The following GLI3 variants were observed in gnomAD, a reference collection of about 807,000 sequenced individuals.
The protein encoded by GLI3 is GLI family zinc finger 3.
A neutral mutation model predicts 100.8 loss-of-function variants in GLI3; 20 were observed. The observed-to-expected ratio is 0.20, with a 90% CI of 0.14 to 0.29. GLI3 has a LOEUF of 0.29. Ranked by LOEUF, GLI3 falls within the 10% of genes least tolerant of loss-of-function variation. The pLI, the probability that GLI3 is intolerant of heterozygous loss-of-function variation, is 1.00. For missense variants in GLI3, 2,040 were observed against 2,128.5 expected (o/e 0.96, Z 0.82); for synonymous variants, 938 against 860.5 (o/e 1.09, Z -1.58).
At chr7:42,194,956 AG>A (rs1248057528) in intron 2 of GLI3, among the ~76,000 whole-genome samples, 1 of 151,914 alleles carries the variant, frequency 6.6e-6, no homozygotes, top group Admixed American at 6.6e-5. Flanking sequence ...TAGTAGAGAC[AG>A]GGTTTCACCA....
intron 1 of GLI3, among the ~76,000 whole-genome samples, chr7:42,236,610 A>T (rs892880038): frequency 2.6e-5 from 4 of 152,156 alleles, no homozygotes; most frequent in African/African-American, 9.7e-5. Context: ...CAAAGGAAGG[A>T]GCCAGGCGCG....
At chr7:42,145,304 T>C in intron 3 of GLI3, 1 of 347,412 alleles carries the variant, frequency 2.9e-6, no homozygotes, top group Non-Finnish European at 5.1e-6. Flanking sequence ...TCAATATGAA[T>C]AAATAATACT....
At chr7:42,052,335 G>A (rs542375682) in intron 4 of GLI3, among the ~76,000 whole-genome samples, 30 of 152,082 alleles carry the variant, frequency 2.0e-4, no homozygotes, top group Non-Finnish European at 3.2e-4. Context: ...CACACCAGTC[G>A]GCTTTGCTCC....
At chr7:42,185,661 A>G (rs760735699) in intron 2 of GLI3, among the ~76,000 whole-genome samples, 2 of 152,236 alleles carry the variant, frequency 1.3e-5, no homozygotes, top group African/African-American at 2.4e-5. Flanking sequence ...TATGCACCAC[A>G]GATGTGCTGC....
Position 42,174,579 on chromosome 7 carries a change from A to G in GLI3, c.125-26111T>C, listed in dbSNP as rs534680045. Among the ~76,000 whole-genome samples the G allele has an allele frequency of 8.9e-4, 135 of 152,266 alleles. 1 individual carries two copies. The highest frequency in any genetic ancestry group is 2.5e-3 in the South Asian group (12 of 4,820). On this transcript the variant is annotated intron_variant, in intron 2 of 14. Transcript: ENST00000395925. ...TCCTCATAAATCAGCCCTTTGCCCA[A>G]CGAGCTGGGAGTTCATGGTCGCTCT...
At chr7:42,209,560 A>G (rs1242104986) in intron 2 of GLI3, among the ~76,000 whole-genome samples, 2 of 152,164 alleles carry the variant, frequency 1.3e-5, no homozygotes, top group African/African-American at 4.8e-5. Context: ...TTCATTTAAC[A>G]TTCTGCAAAA....
intron 7 of GLI3, among the ~76,000 whole-genome samples, chr7:42,032,796 G>A (rs553605237): frequency 1.4e-4 from 22 of 152,202 alleles, no homozygotes; most frequent in Admixed American, 3.3e-4. Flanking sequence ...AGGAAAGTAC[G>A]AAAAATGTCA....
intron 3 of GLI3, among the ~76,000 whole-genome samples, chr7:42,078,753 G>A (rs1280286788): frequency 2.8e-5 from 4 of 143,590 alleles, no homozygotes; most frequent in Non-Finnish European, 4.5e-5. Context: ...TTTTTGAGAC[G>A]GAGTCTCACT....
intron 10 of GLI3, among the ~76,000 whole-genome samples, chr7:42,003,241 T>C (rs1459914109): frequency 6.6e-6 from 1 of 152,160 alleles, no homozygotes; most frequent in Non-Finnish European, 1.5e-5. Flanking sequence ...TTAAAGTGAA[T>C]GTTATAATCT....
At chr7:42,116,193 G>A (rs1785850581) in intron 3 of GLI3, among the ~76,000 whole-genome samples, 2 of 152,248 alleles carry the variant, frequency 1.3e-5, no homozygotes, top group Admixed American at 6.5e-5. Context: ...ACGTGGAGAA[G>A]AGCAGTTTTA....
chr7:42,181,520 G>A (rs1019780781), intron 2 of GLI3, among the ~76,000 whole-genome samples: 3 of 152,084 alleles, frequency 2.0e-5, no homozygotes, highest in African/African-American at 4.8e-5. Context: ...TGGGAGGACT[G>A]CCTGAGCCCA....
intron 3 of GLI3, among the ~76,000 whole-genome samples, chr7:42,137,756 C>T (rs1411878235): frequency 6.6e-6 from 1 of 152,206 alleles, no homozygotes; most frequent in Non-Finnish European, 1.5e-5. Flanking sequence ...AATTCCACAC[C>T]TGACCGACCT....
At chr7:42,093,759 C>T (rs3779145) in intron 3 of GLI3, among the ~76,000 whole-genome samples, 1 of 152,102 alleles carries the variant, frequency 6.6e-6, no homozygotes, top group African/African-American at 2.4e-5. Context: ...AAAACAAACA[C>T]ATTAATGGGG....
intron 1 of GLI3, among the ~76,000 whole-genome samples, chr7:42,259,538 G>A (rs537108965): frequency 3.3e-5 from 5 of 152,274 alleles, no homozygotes; most frequent in African/African-American, 1.2e-4. Context: ...CACTAGTACA[G>A]TGCCTGACAC....
chr7:42,176,420 C>T (rs771962522), intron 2 of GLI3, among the ~76,000 whole-genome samples: 4 of 151,786 alleles, frequency 2.6e-5, no homozygotes, highest in Non-Finnish European at 4.4e-5. Context: ...TCTTCTCTAA[C>T]GCCACCCAGG....
chr7:42,184,226 C>T (rs1208964338), intron 2 of GLI3, among the ~76,000 whole-genome samples: 3 of 152,224 alleles, frequency 2.0e-5, no homozygotes, highest in Non-Finnish European at 2.9e-5. Flanking sequence ...TCCTTCCCCT[C>T]GTCTCTGCTC....
intron 4 of GLI3, among the ~76,000 whole-genome samples, chr7:42,058,068 T>C (rs1325245530): frequency 6.6e-6 from 1 of 151,834 alleles, no homozygotes; most frequent in African/African-American, 2.4e-5. Flanking sequence ...AAAAAAGCTT[T>C]AAAAATAAAA....
At chr7:41,997,648 C>G (rs151105644) in intron 10 of GLI3, among the ~76,000 whole-genome samples, 1 of 152,182 alleles carries the variant, frequency 6.6e-6, no homozygotes, top group Non-Finnish European at 1.5e-5. Flanking sequence ...TCAAATGATA[C>G]CTTCTGCTTT....
At chr7:42,005,383 G>A (rs778675390) in intron 10 of GLI3, among the ~76,000 whole-genome samples, 3 of 151,288 alleles carry the variant, frequency 2.0e-5, no homozygotes, top group African/African-American at 7.3e-5. Context: ...ATTTAAGAAC[G>A]GATGGATGGA....
Sources: allele counts gnomAD v4.1 joint callset (sites outside exome capture counted in the v4.1 genomes callset), GRCh38; gene constraint gnomAD v4.1.1; transcripts MANE v1.5; gene names NCBI Gene and HGNC (gene_info 2026-07-23, HGNC 2026-07-21).